The following SAA4 variants were observed in gnomAD, a reference collection of about 807,000 sequenced individuals.
SAA4 encodes the protein serum amyloid A4, constitutive.
In SAA4, 8 loss-of-function variants were observed where a neutral mutation model predicts 11.2. That is an observed-to-expected ratio of 0.71 (90% CI 0.42 to 1.29). The LOEUF is 1.29. SAA4 is among the 50% of genes most tolerant of loss of function. The probability of loss-of-function intolerance (pLI) is 0.01; values close to 1 mark genes in which losing one functional copy is unlikely to be tolerated. For missense variants in SAA4, 171 were observed against 164.2 expected (o/e 1.04, Z -0.23); for synonymous variants, 60 against 56.2 (o/e 1.07, Z -0.30).
chr11:18,235,882 T>C lies in SAA4; in HGVS notation c.45A>G (p.Gly15=). The change falls in exon 2 of 4, where the codon GGA becomes GGG. Residue 15 remains glycine, a synonymous_variant. Transcript: ENST00000278222. ...ACGAACGCCAGCTTTCACTGGTGACTCCCATGACCAAGGAGCAGAAAACAA... is the reference window on the plus strand; with the variant it reads ...ACGAACGCCAGCTTTCACTGGTGACCCCCATGACCAAGGAGCAGAAAACAA... The part of the protein sequence containing the change: ...TGIVFCSLVM[G]VTSESWRSFF... 6.2e-7 allele frequency: 1 copy of C among 1,613,734 alleles called. No homozygotes were observed. Among genetic ancestry groups the C allele is most frequent in the Non-Finnish European group, 8.5e-7 (1 of 1,179,852 alleles).
chr11:18,235,470 G>A (rs2956632), intron 2 of SAA4, among the ~76,000 whole-genome samples: 138,136 of 152,210 alleles, frequency 0.91, 63,457 homozygotes, highest in Non-Finnish European at 0.97. Context: ...GCATGTCTCA[G>A]TCTTGGAGTA....
intron 3 of SAA4, 24 bp downstream of exon 3, chr11:18,232,370 TG>T: frequency 6.2e-7 from 1 of 1,612,096 alleles, no homozygotes; most frequent in South Asian, 1.1e-5. Context: ...GGCCTCTCAC[TG>T]GAGTCCCCGG....
chr11:18,232,094 G>C (rs983901925), intron 3 of SAA4, among the ~76,000 whole-genome samples: 8 of 151,826 alleles, frequency 5.3e-5, no homozygotes, highest in Admixed American at 4.6e-4. Flanking sequence ...TGTTGCCTAG[G>C]CTGCTCTTAA....
Position 18,233,791 on chromosome 11 carries a change from G to A in SAA4, c.92-1258C>T, listed in dbSNP as rs80191573. Among the ~76,000 whole-genome samples the A allele has an allele frequency of 6.1e-3, 930 of 151,742 alleles. 30 individuals carry two copies. The East Asian group carries it at 0.081, about 13-fold the overall frequency. On this transcript the variant is annotated intron_variant, in intron 2 of 3. Coordinates refer to ENST00000278222, the MANE Select transcript of SAA4 (RefSeq NM_006512.4). ...TAGCCTCCCAAAGTGCTGGGATTAC[G>A]AGTGTGAGTCATCATGCCCAGCTCT...
chr11:18,231,443 T>C lies in SAA4; in HGVS notation c.*59A>G. The C allele has an allele frequency of 6.3e-7, 1 of 1,579,248 alleles. No homozygotes were observed. The highest frequency in any genetic ancestry group is 2.2e-5 in the East Asian group (1 of 44,704). On this transcript the variant is annotated 3_prime_UTR_variant, in exon 4 of 4. Transcript: ENST00000278222. ...AGCTCAGTGACCCTGTGTCCCTGTC[T>C]GGGGGGAGAAGTGTGTGGCTCACAG...
At chr11:18,233,496 C>T (rs996428079) in intron 2 of SAA4, among the ~76,000 whole-genome samples, 1 of 152,058 alleles carries the variant, frequency 6.6e-6, no homozygotes, top group African/African-American at 2.4e-5. Context: ...CTGGAACTCT[C>T]ATAATTGTTT....
At chr11:18,236,509 G>A (rs1248741717) in intron 1 of SAA4, among the ~76,000 whole-genome samples, 3 of 152,114 alleles carry the variant, frequency 2.0e-5, no homozygotes, top group Non-Finnish European at 2.9e-5. Context: ...GGATTCCAAC[G>A]TGTTATTTGG....
chr11:18,231,699 T>C (rs1463416461), intron 3 of SAA4, 35 bp from the exon 4 acceptor site: 1 of 1,589,232 alleles, frequency 6.3e-7, no homozygotes, highest in Non-Finnish European at 8.6e-7. Context: ...GAGATTAATC[T>C]CTTGACTCAC....
chr11:18,235,948 C>G lies in SAA4; in HGVS notation c.-4-18G>C. 21 of 1,597,666 alleles carry G rather than the reference C, an allele frequency of 1.3e-5. No homozygotes were observed. The highest frequency in any genetic ancestry group is 1.8e-5 in the Non-Finnish European group (21 of 1,171,756). On this transcript the variant is annotated intron_variant, in intron 1 of 3. Coordinates refer to ENST00000278222, the MANE Select transcript of SAA4 (RefSeq NM_006512.4). Reference sequence around the variant, plus strand: ...TCATTGTGCTGAAGAGAAAGAAAGACAGGGGCAGAGGATCATAAAAAAAAA... The same window carrying G: ...TCATTGTGCTGAAGAGAAAGAAAGAGAGGGGCAGAGGATCATAAAAAAAAA...
chr11:18,231,876 C>CTTT (rs35974284), intron 3 of SAA4, among the ~76,000 whole-genome samples: 33 of 70,704 alleles, frequency 4.7e-4, no homozygotes, highest in African/African-American at 1.3e-3. Context: ...AGTGCTTTCC[C>CTTT]TTTTTTTTTT....
intron 1 of SAA4, among the ~76,000 whole-genome samples, chr11:18,236,326 C>G (rs895918389): frequency 3.9e-5 from 6 of 151,960 alleles, no homozygotes; most frequent in Middle Eastern, 3.4e-3. Context: ...CCTCAACCTC[C>G]CAAAGGATTA....
At chr11:18,235,167 A>T (rs2134127518) in intron 2 of SAA4, among the ~76,000 whole-genome samples, 1 of 152,372 alleles carries the variant, frequency 6.6e-6, no homozygotes, top group South Asian at 2.1e-4. Flanking sequence ...TTCAATTGAA[A>T]AATTACAAAA....
intron 2 of SAA4, 126 bp from the exon 3 acceptor site, chr11:18,232,659 G>A: frequency 7.3e-7 from 1 of 1,379,196 alleles, no homozygotes; most frequent in Non-Finnish European, 9.8e-7. Context: ...CATACGTGGA[G>A]ATAAACATTA....
At chr11:18,233,282 C>T (rs1338449425) in intron 2 of SAA4, among the ~76,000 whole-genome samples, 1 of 152,138 alleles carries the variant, frequency 6.6e-6, no homozygotes, top group East Asian at 1.9e-4. Flanking sequence ...GGAATCATAC[C>T]TACCTCCCTG....
chr11:18,234,189 T>C (rs2134126796), intron 2 of SAA4, among the ~76,000 whole-genome samples: 1 of 152,312 alleles, frequency 6.6e-6, no homozygotes, highest in African/African-American at 2.4e-5. Flanking sequence ...ACAAAAGACA[T>C]ATTCTGTATG....
chr11:18,231,714 T>C (rs770190053), intron 3 of SAA4, 50 bp from the exon 4 acceptor site: 1 of 1,569,864 alleles, frequency 6.4e-7, no homozygotes, highest in African/African-American at 1.4e-5. Flanking sequence ...ACTCACCTGC[T>C]CACCTGAGAC....
In SAA4 at chr11:18,231,854, G is replaced by A. The variant is rs559120865; in HGVS notation, c.231-190C>T. On this transcript the variant is annotated intron_variant, in intron 3 of 3. Transcript: ENST00000278222. ...AAGGCCTAAGTCTACTGATACTTGCGCTCTGCAACAGAGTGCTTTCCCTTT... is the reference window on the plus strand; with the variant it reads ...AAGGCCTAAGTCTACTGATACTTGCACTCTGCAACAGAGTGCTTTCCCTTT... 2.8e-5 allele frequency among the ~76,000 whole-genome samples: 4 copies of A among 142,780 alleles called. No individual in the cohort carries two copies. The East Asian group carries it at 8.1e-4, about 29-fold the overall frequency. 93.7% of individuals were successfully genotyped at this position (142,780 alleles called of 152,430 possible).
chr11:18,235,587 A>C (rs1857197358), intron 2 of SAA4, among the ~76,000 whole-genome samples: 1 of 152,154 alleles, frequency 6.6e-6, no homozygotes, highest in Non-Finnish European at 1.5e-5. Context: ...ACCCCCTGGA[A>C]GTTTTTATCC....
intron 2 of SAA4, among the ~76,000 whole-genome samples, chr11:18,234,086 T>C (rs978085052): frequency 4.6e-5 from 7 of 152,332 alleles, no homozygotes; most frequent in African/African-American, 1.7e-4. Flanking sequence ...TGGAATACTA[T>C]GTAGCAATGA....
Sources: allele counts gnomAD v4.1 joint callset (sites outside exome capture counted in the v4.1 genomes callset), GRCh38; gene constraint gnomAD v4.1.1; transcripts MANE v1.5; gene names NCBI Gene and HGNC (gene_info 2026-07-23, HGNC 2026-07-21).